TM9SF2: variants seen among roughly 807,000 people sequenced by gnomAD.
TM9SF2 encodes 76 kDa membrane protein.
A neutral mutation model predicts 84.9 loss-of-function variants in TM9SF2; 13 were observed. The ratio of observed to expected loss-of-function variants is 0.15; its 90% CI spans 0.10 to 0.24. The LOEUF (loss-of-function observed/expected upper bound fraction) is 0.24. Ranked by LOEUF, TM9SF2 falls within the 10% of genes least tolerant of loss-of-function variation. TM9SF2 has a pLI of 1.00. For missense variants in TM9SF2, 562 were observed against 818.5 expected (o/e 0.69, Z 3.82); for synonymous variants, 273 against 285.8 (o/e 0.96, Z 0.45).
chr13:99,561,493 G>A (rs749297371), intron 16 of TM9SF2, among the ~76,000 whole-genome samples: 3 of 152,164 alleles, frequency 2.0e-5, no homozygotes, highest in Non-Finnish European at 4.4e-5. Flanking sequence ...TTGCTTTTCT[G>A]AAATTAACCC....
At chr13:99,513,806 G>T (rs80244012) in intron 1 of TM9SF2, among the ~76,000 whole-genome samples, 2 of 152,098 alleles carry the variant, frequency 1.3e-5, no homozygotes, top group Non-Finnish European at 2.9e-5. Context: ...TATCAGTGCC[G>T]TAAGTGAAAG....
chr13:99,525,183 C>G (rs1485395262), intron 3 of TM9SF2, among the ~76,000 whole-genome samples: 2 of 152,152 alleles, frequency 1.3e-5, no homozygotes, highest in Non-Finnish European at 2.9e-5. Context: ...TTTTATTTTA[C>G]TGGCAGTGAG....
intron 9 of TM9SF2, among the ~76,000 whole-genome samples, chr13:99,542,551 A>G (rs899324767): frequency 2.4e-4 from 36 of 152,226 alleles, no homozygotes; most frequent in African/African-American, 7.9e-4. Flanking sequence ...AATGAATGCA[A>G]AAAACTCAGG....
chr13:99,557,720 A>G (rs1324239215), intron 15 of TM9SF2, among the ~76,000 whole-genome samples: 1 of 151,976 alleles, frequency 6.6e-6, no homozygotes, highest in Non-Finnish European at 1.5e-5. Flanking sequence ...TCTTGTCTTT[A>G]TAAAAAATAA....
At chr13:99,520,635 C>G (rs1436281881) in intron 3 of TM9SF2, among the ~76,000 whole-genome samples, 1 of 152,096 alleles carries the variant, frequency 6.6e-6, no homozygotes, top group Non-Finnish European at 1.5e-5. Flanking sequence ...GTGGTGAGAT[C>G]TCAGCTCACT....
intron 1 of TM9SF2, among the ~76,000 whole-genome samples, chr13:99,510,567 T>C (rs1389335728): frequency 6.6e-6 from 1 of 152,072 alleles, no homozygotes; most frequent in African/African-American, 2.4e-5. Flanking sequence ...AGGCGTGTCA[T>C]ATGGTTACAC....
At chr13:99,509,463 G>A (rs932811602) in intron 1 of TM9SF2, among the ~76,000 whole-genome samples, 1 of 152,246 alleles carries the variant, frequency 6.6e-6, no homozygotes, top group African/African-American at 2.4e-5. Context: ...AATCTAGGCA[G>A]AGGCTGCCAA....
chr13:99,517,723 C>T (rs746104929), intron 2 of TM9SF2, 42 bp downstream of exon 2: 7 of 1,402,782 alleles, frequency 5.0e-6, no homozygotes, highest in Non-Finnish European at 6.8e-6. Flanking sequence ...TTTTATGTGA[C>T]TCATCAGAAT....
At chr13:99,535,114 T>C (rs534879496) in intron 4 of TM9SF2, among the ~76,000 whole-genome samples, 4 of 152,320 alleles carry the variant, frequency 2.6e-5, no homozygotes, top group African/African-American at 4.8e-5. Context: ...ATCATGCTAC[T>C]GCACTCCAGC....
chr13:99,559,967 A>T (rs558693309), intron 16 of TM9SF2, among the ~76,000 whole-genome samples: 101 of 152,312 alleles, frequency 6.6e-4, no homozygotes, highest in Non-Finnish European at 1.3e-3. Flanking sequence ...ATAATGGGAC[A>T]TTCCTTAATC....
chr13:99,524,436 G>T (rs1173242975), intron 3 of TM9SF2, among the ~76,000 whole-genome samples: 3 of 152,064 alleles, frequency 2.0e-5, no homozygotes, highest in Admixed American at 2.0e-4. Context: ...AGCCAGGTTG[G>T]GGGATGGGGA....
chr13:99,558,525 A>G (rs2046332891), intron 15 of TM9SF2, among the ~76,000 whole-genome samples: 1 of 152,118 alleles, frequency 6.6e-6, no homozygotes, highest in Admixed American at 6.5e-5. Context: ...TAGAGTTTTC[A>G]TTGTGCAAGT....
At chr13:99,541,218 G>C (rs1261600689) in intron 8 of TM9SF2, among the ~76,000 whole-genome samples, 1 of 152,164 alleles carries the variant, frequency 6.6e-6, no homozygotes, top group Non-Finnish European at 1.5e-5. Context: ...CTAATTTACT[G>C]AGTAAAGTTG....
chr13:99,543,532 T>C (rs1480965616), intron 9 of TM9SF2, among the ~76,000 whole-genome samples: 1 of 152,244 alleles, frequency 6.6e-6, no homozygotes, highest in African/African-American at 2.4e-5. Context: ...GAGGATAGAA[T>C]GTGACTAAAA....
At position 99,529,599 on chromosome 13, in the gene TM9SF2, G is replaced by T; in HGVS notation, c.461+5G>T. ...ATTGAATTATCAACATCACTGGTAA[G>T]GCATGAATATTTTCGATTTTGGGGT... On this transcript the variant is annotated splice_donor_5th_base_variant and intron_variant, in intron 4 of 16. Transcript: ENST00000376387. The T allele has an allele frequency of 6.5e-7, 1 of 1,543,596 alleles. No individual in the cohort carries two copies.
At chr13:99,519,230 G>A (rs1393629738) in intron 2 of TM9SF2, among the ~76,000 whole-genome samples, 2 of 150,450 alleles carry the variant, frequency 1.3e-5, no homozygotes, top group Non-Finnish European at 3.0e-5. Flanking sequence ...AATCTTTGTG[G>A]ATATTCTTAG....
chr13:99,519,811 AAG>A lies in TM9SF2; in HGVS notation c.240-221_240-220del, dbSNP rs1232622112. ...AAGATATTGTAATATGCATTCTAAT[AAG>A]AGAATGTTATTTAGAAAAAAATATT... On this transcript the variant is annotated intron_variant, in intron 2 of 16. Coordinates refer to ENST00000376387, the MANE Select transcript of TM9SF2 (RefSeq NM_004800.3). Among the ~76,000 whole-genome samples the A allele has an allele frequency of 1.5e-4, 23 of 152,378 alleles. 1 individual carries two copies. In the East Asian group the frequency reaches 2.1e-3, roughly 14 times the overall value.
chr13:99,556,140 A>G (rs2046323767), intron 15 of TM9SF2, among the ~76,000 whole-genome samples: 1 of 150,972 alleles, frequency 6.6e-6, no homozygotes, highest in Non-Finnish European at 1.5e-5. Flanking sequence ...GTAGAATTGA[A>G]TTTTAAAGAT....
At chr13:99,552,591 A>ACATT (rs34121466) in intron 13 of TM9SF2, among the ~76,000 whole-genome samples, 62,598 of 151,070 alleles carry the variant, frequency 0.41, 14,759 homozygotes, top group Non-Finnish European at 0.55. Flanking sequence ...ACTAATGAAA[A>ACATT]CATTCATTCA....
Sources: allele counts gnomAD v4.1 joint callset (sites outside exome capture counted in the v4.1 genomes callset), GRCh38; gene constraint gnomAD v4.1.1; transcripts MANE v1.5; gene names NCBI Gene and HGNC (gene_info 2026-07-23, HGNC 2026-07-21).